The following OXNAD1 variants were observed in gnomAD, a reference collection of about 807,000 sequenced individuals.
OXNAD1 encodes the protein oxidoreductase NAD-binding domain-containing protein 1.
OXNAD1 carries 34 observed loss-of-function variants against 32.9 expected under a neutral mutation model. The observed-to-expected ratio is 1.03, with a 90% CI of 0.79 to 1.38. The LOEUF is 1.38. OXNAD1 is among the 40% of genes most tolerant of loss of function. The probability of loss-of-function intolerance (pLI) is 0.00; values close to 1 mark genes in which losing one functional copy is unlikely to be tolerated. For missense variants in OXNAD1, 407 were observed against 379.4 expected (o/e 1.07, Z -0.60); for synonymous variants, 134 against 135.2 (o/e 0.99, Z 0.06).
Position 16,329,286 on chromosome 3 carries a change from T to C in OXNAD1, c.*31-7826T>C, listed in dbSNP as rs1484337075. Among the ~76,000 whole-genome samples the C allele has an allele frequency of 6.6e-6, 1 of 152,160 alleles. No homozygotes were observed. The highest frequency in any genetic ancestry group is 1.5e-5 in the Non-Finnish European group (1 of 68,030). On this transcript the variant is annotated intron_variant, in intron 9 of 9. Transcript: ENST00000435829. This position sits in a 1 kb window ranked among gnomAD's most constrained non-coding sequence, Gnocchi z 4.5. ...AACTGTCTGTCCTTTATAAATTGCC[T>C]GATCTCAGGTATCCTGTTACAACAG...
chr3:16,311,304 C>T (rs545173950), intron 9 of OXNAD1, among the ~76,000 whole-genome samples: 45 of 129,964 alleles, frequency 3.5e-4, no homozygotes, highest in Admixed American at 2.4e-3. Context: ...AAGTGATTGT[C>T]CTGCCTCAGC....
At chr3:16,267,661 C>T (rs1488306570) in intron 1 of OXNAD1, among the ~76,000 whole-genome samples, 1 of 152,190 alleles carries the variant, frequency 6.6e-6, no homozygotes, top group East Asian at 1.9e-4. Flanking sequence ...CCCACCTACC[C>T]CATCACTCTT....
intron 6 of OXNAD1, among the ~76,000 whole-genome samples, chr3:16,296,338 TAGAG>T (rs2066791727): frequency 6.6e-6 from 1 of 152,054 alleles, no homozygotes; most frequent in Non-Finnish European, 1.5e-5. Flanking sequence ...CATGAGTAAA[TAGAG>T]AGATGTACTG....
intron 9 of OXNAD1, among the ~76,000 whole-genome samples, chr3:16,325,700 C>T (rs1000635087): frequency 6.6e-6 from 1 of 152,156 alleles, no homozygotes; most frequent in African/African-American, 2.4e-5. Context: ...AAAGTGGCCG[C>T]AGACTGGCTC....
At chr3:16,331,114 G>C (rs1368388981) in intron 9 of OXNAD1, among the ~76,000 whole-genome samples, 1 of 152,210 alleles carries the variant, frequency 6.6e-6, no homozygotes, top group Admixed American at 6.5e-5. Context: ...AAAGTGACTG[G>C]GGACAGTTTG....
chr3:16,336,603 C>T lies in OXNAD1; in HGVS notation c.*31-509C>T, dbSNP rs1315286854. On this transcript the variant is annotated intron_variant, in intron 9 of 9. Transcript: ENST00000435829. The surrounding 1 kb of genome is among the most constrained non-coding windows in gnomAD (Gnocchi z 6.0). ...TGTAATCAGGACAACATAATAGAGT[C>T]TGAGAGAGCAGTCTTCTCATTTTAG... 1.3e-5 allele frequency among the ~76,000 whole-genome samples: 2 copies of T among 152,174 alleles called. No homozygotes were observed. The highest frequency in any genetic ancestry group is 4.8e-5 in the African/African-American group (2 of 41,450).
At chr3:16,351,887 A>C (rs1219345673), downstream of OXNAD1, among the ~76,000 whole-genome samples, 1 of 152,184 alleles carries the variant, frequency 6.6e-6, no homozygotes, top group Non-Finnish European at 1.5e-5. This position sits in a 1 kb window ranked among gnomAD's most constrained non-coding sequence, Gnocchi z 5.4. Context: ...ACTAGAAAAA[A>C]AAATCATGAA....
chr3:16,313,168 C>T (rs2125132512), intron 9 of OXNAD1, among the ~76,000 whole-genome samples: 1 of 148,866 alleles, frequency 6.7e-6, no homozygotes, highest in Non-Finnish European at 1.5e-5. Flanking sequence ...ACTTTAGCCT[C>T]CCAAGTAGCT....
chr3:16,311,611 C>T (rs566136979), intron 9 of OXNAD1, among the ~76,000 whole-genome samples: 1 of 152,014 alleles, frequency 6.6e-6, no homozygotes, highest in African/African-American at 2.4e-5. Context: ...AGCTTCAATA[C>T]CTCCCTCATT....
Position 16,316,431 on chromosome 3 carries a change from T to G in OXNAD1, c.*30+12839T>G, listed in dbSNP as rs2068400280. ...GGACACTGCCCCACACGATGTGGGA[T>G]GAACAGCAGCCTTGGTTTGTAGCCC... On this transcript the variant is annotated intron_variant, in intron 9 of 9. Transcript: ENST00000435829. The surrounding 1 kb of genome is among the most constrained non-coding windows in gnomAD (Gnocchi z 4.5). The G allele has an allele frequency of 3.7e-6, 1 of 266,686 alleles. No individual in the cohort carries two copies. Among genetic ancestry groups the G allele is most frequent in the Non-Finnish European group, 7.2e-6 (1 of 138,110 alleles). 16.5% of individuals were successfully genotyped at this position (266,686 alleles called of 1,614,324 possible).
Position 16,335,138 on chromosome 3 carries a change from A to G in OXNAD1, c.*31-1974A>G, listed in dbSNP as rs553227602. The stretch of plus-strand genomic sequence containing the variant: ...TAAACTTGCGTTGTTTTAAGTCACT[A>G]AATCTGTGATTTGTTGCCGCAGCAA... On this transcript the variant is annotated intron_variant, in intron 9 of 9. Transcript: ENST00000435829. This position sits in a 1 kb window ranked among gnomAD's most constrained non-coding sequence, Gnocchi z 4.7. Among the ~76,000 whole-genome samples, 2 of 152,382 alleles carry G rather than the reference A, an allele frequency of 1.3e-5. No homozygotes were observed. Among genetic ancestry groups the G allele is most frequent in the African/African-American group, 4.8e-5 (2 of 41,586 alleles).
rs569170702 is a variant in OXNAD1 at position 16,322,793 on chromosome 3, G to A, written c.*31-14319G>A. 1.3e-5 allele frequency among the ~76,000 whole-genome samples: 2 copies of A among 152,250 alleles called. No homozygotes were observed. The highest frequency in any genetic ancestry group is 3.9e-4 in the East Asian group (2 of 5,174). On this transcript the variant is annotated intron_variant, in intron 9 of 9. Coordinates refer to the OXNAD1 transcript ENST00000435829. The surrounding 1 kb of genome is among the most constrained non-coding windows in gnomAD (Gnocchi z 6.2). Reference sequence around the variant, plus strand: ...CTAGGGTAGTTCAGAGTCCGGAGAGGGGGAAAAGGGCCCTGGGGATCTCTT... The same window carrying A: ...CTAGGGTAGTTCAGAGTCCGGAGAGAGGGAAAAGGGCCCTGGGGATCTCTT...
rs2068196597 is a variant in OXNAD1 at position 16,314,485 on chromosome 3, T to A, written c.*30+10893T>A. The A allele has an allele frequency of 6.6e-6, 1 of 152,154 alleles. No homozygotes were observed. The highest frequency in any genetic ancestry group is 6.5e-5 in the Admixed American group (1 of 15,270). The allele number at this position is 152,154 out of a possible 1,614,324, so 9.4% of individuals were successfully genotyped here. On this transcript the variant is annotated intron_variant, in intron 9 of 9. Coordinates refer to the OXNAD1 transcript ENST00000435829. This position sits in a 1 kb window ranked among gnomAD's most constrained non-coding sequence, Gnocchi z 4.4. ...CCTGATGCCCACGCCACTCCCCAGA[T>A]CATTCATTCACAAGCTCTGCAGGCG...
intron 6 of OXNAD1, among the ~76,000 whole-genome samples, chr3:16,296,423 TA>T (rs1461725122): frequency 2.0e-5 from 3 of 152,302 alleles, no homozygotes; most frequent in African/African-American, 7.2e-5. Flanking sequence ...AGATTTAACA[TA>T]ACAATAATCA....
chr3:16,338,026 C>T (rs999033121), downstream of OXNAD1, among the ~76,000 whole-genome samples: 1 of 152,140 alleles, frequency 6.6e-6, no homozygotes, highest in African/African-American at 2.4e-5. This position sits in a 1 kb window ranked among gnomAD's most constrained non-coding sequence, Gnocchi z 5.3. Context: ...CGAGATGTTG[C>T]CCTGGCTTCT....
chr3:16,274,792 T>C (rs762263682), intron 4 of OXNAD1, among the ~76,000 whole-genome samples: 2 of 152,236 alleles, frequency 1.3e-5, no homozygotes, highest in Non-Finnish European at 2.9e-5. Context: ...TTCTTTCATG[T>C]TATGACCGAA....
chr3:16,343,606 G>T (rs2071453461), intron 9 of OXNAD1, among the ~76,000 whole-genome samples: 1 of 152,212 alleles, frequency 6.6e-6, no homozygotes, highest in Non-Finnish European at 1.5e-5. Context: ...GCACTGGACT[G>T]AAGAAAACAG....
downstream of OXNAD1, among the ~76,000 whole-genome samples, chr3:16,351,747 CTA>C (rs2072118410): frequency 6.6e-6 from 1 of 152,126 alleles, no homozygotes; most frequent in Non-Finnish European, 1.5e-5. The surrounding 1 kb of genome is among the most constrained non-coding windows in gnomAD (Gnocchi z 5.4). Flanking sequence ...AGCATATAAA[CTA>C]TAAGTGCAAA....
rs1336956301 is a variant in OXNAD1 at position 16,335,621 on chromosome 3, G to T, written c.*31-1491G>T. 6.6e-6 allele frequency among the ~76,000 whole-genome samples: 1 copy of T among 152,142 alleles called. No individual in the cohort carries two copies. Among genetic ancestry groups the T allele is most frequent in the Non-Finnish European group, 1.5e-5 (1 of 68,020 alleles). Reference sequence around the variant, plus strand: ...TGGGGAGCAACACACACTGGGACCTGTTGGAGGTGTGGGAGGAGGGAGAGC... The same window carrying T: ...TGGGGAGCAACACACACTGGGACCTTTTGGAGGTGTGGGAGGAGGGAGAGC... On this transcript the variant is annotated intron_variant, in intron 9 of 9. Coordinates refer to the OXNAD1 transcript ENST00000435829. The surrounding 1 kb of genome is among the most constrained non-coding windows in gnomAD (Gnocchi z 4.7).
Sources: gnomAD v4.1 joint callset for allele counts (sites outside exome capture counted in the v4.1 genomes callset) on GRCh38, gnomAD v4.1.1 for gene constraint, Gnocchi (gnomAD v3.1) non-coding constraint, MANE v1.5 for transcripts, NCBI Gene and HGNC (gene_info 2026-07-23, HGNC 2026-07-21) for gene names.